The following GRIN3B variants were observed in gnomAD, a reference collection of about 807,000 sequenced individuals.
GRIN3B encodes glutamate ionotropic receptor NMDA type subunit 3B.
A neutral mutation model predicts 66.0 loss-of-function variants in GRIN3B; 77 were observed. The ratio of observed to expected loss-of-function variants is 1.17; its 90% confidence interval spans 0.97 to 1.41. The LOEUF is 1.41. GRIN3B is among the 40% of genes most tolerant of loss of function. GRIN3B has a pLI of 0.00. For missense variants in GRIN3B, 1,787 were observed against 1,564.5 expected (o/e 1.14, Z -2.40); for synonymous variants, 823 against 749.7 (o/e 1.10, Z -1.60).
rs10412602 is a variant in GRIN3B, at chr19:1,007,430, C to G, written c.2053-198C>G. Among the ~76,000 whole-genome samples the G allele has an allele frequency of 0.095, 14,474 of 151,730 alleles. 823 individuals are homozygous for G. The highest frequency in any genetic ancestry group is 0.23 in the Middle Eastern group (69 of 294). Reference sequence around the variant, plus strand: ...GATCCTGCCCCCCGCCCCAGGGGACCCTGGACAGTGTGTGTCTAGAGACAG... The same window carrying G: ...GATCCTGCCCCCCGCCCCAGGGGACGCTGGACAGTGTGTGTCTAGAGACAG... On this transcript the variant is annotated intron_variant, in intron 3 of 8. Transcript: ENST00000234389. This position sits in a 1 kb window ranked among gnomAD's most constrained non-coding sequence, Gnocchi z 4.4.
chr19:1,008,406 C>G, intron 6 of GRIN3B, 115 bp downstream of exon 6: 2 of 1,099,124 alleles, frequency 1.8e-6, no homozygotes, highest in South Asian at 1.5e-5. Context: ...TTGTCTGCTT[C>G]TGCGCACTTC....
At chr19:1,008,425 C>A in intron 6 of GRIN3B, 134 bp downstream of exon 6, 1 of 1,045,980 alleles carries the variant, frequency 9.6e-7, no homozygotes, top group Non-Finnish European at 1.4e-6. Flanking sequence ...TCTATTCACC[C>A]TACAAAACCC....
rs879508953 is a variant in GRIN3B, at chr19:1,005,642, C to T, written c.2052+89C>T. On this transcript the variant is annotated intron_variant, in intron 3 of 8. Coordinates refer to ENST00000234389, the MANE Select transcript of GRIN3B (RefSeq NM_138690.3). The surrounding 1 kb of genome is among the most constrained non-coding windows in gnomAD (Gnocchi z 5.2). ...TGTGGGGCAGGGGTGGTCAGCTGGA[C>T]GTGGAGGACGTCCACTAGGCCAACT... 1.6e-5 allele frequency: 16 copies of T among 1,001,484 alleles called. No individual in the cohort carries two copies. The highest frequency in any genetic ancestry group is 5.3e-5 in the East Asian group (2 of 37,966). 62.0% of individuals were successfully genotyped at this position (1,001,484 alleles called of 1,614,324 possible). A position where few individuals can be genotyped will look rare whatever the true frequency, so the allele number is the denominator to read the frequency against.
Position 1,007,863 on chromosome 19 carries a change from C to A in GRIN3B, c.2206C>A (p.Pro736Thr). 1 of 1,609,456 alleles carries A rather than the reference C, an allele frequency of 6.2e-7. No homozygotes were observed. Among genetic ancestry groups the A allele is most frequent in the South Asian group, 1.1e-5 (1 of 90,902 alleles). The change falls in exon 5 of 9, where the codon CCC becomes ACC. Residue 736 changes from proline to threonine, a missense_variant. Coordinates refer to ENST00000234389, the MANE Select transcript of GRIN3B (RefSeq NM_138690.3). The surrounding 1 kb of genome is among the most constrained non-coding windows in gnomAD (Gnocchi z 4.4). ...PRGVAMLTSD[P>T]PKLNAFIMDK... is the part of the protein sequence containing the mutation. ...CGCCCCCGGCCCCAGCAGGAGCGAC[C>A]CCCCCAAGCTCAACGCCTTCATCAT...
chr19:1,007,562 G>C lies in GRIN3B; in HGVS notation c.2053-66G>C. ...CAGGACGGCCCCACCCCGGAGAACGGCGCGCCCCTCAATGGTCAGGGGTCC... is the reference window on the plus strand; with the variant it reads ...CAGGACGGCCCCACCCCGGAGAACGCCGCGCCCCTCAATGGTCAGGGGTCC... On this transcript the variant is annotated intron_variant, in intron 3 of 8. Transcript: ENST00000234389. This position sits in a 1 kb window ranked among gnomAD's most constrained non-coding sequence, Gnocchi z 4.4. 1 of 1,369,066 alleles carries C rather than the reference G, an allele frequency of 7.3e-7. No individual in the cohort carries two copies. The highest frequency in any genetic ancestry group is 1.6e-5 in the South Asian group (1 of 60,726). 84.8% of individuals were successfully genotyped at this position (1,369,066 alleles called of 1,614,324 possible).
rs1274138932 is a variant in GRIN3B, at chr19:1,003,588, C to T, written c.885C>T (p.Asp295=). 8 of 1,477,880 alleles carry T rather than the reference C, an allele frequency of 5.4e-6. No individual in the cohort carries two copies. The South Asian group carries it at 1.1e-4, about 20-fold the overall frequency. The allele number at this position is 1,477,880 out of a possible 1,614,324, so 91.5% of individuals were successfully genotyped here. ...CCCCGCTGGAGGCCGCCATCCATGACATTGTGCAACTGGTGGCCCGGGCGC... is the reference window on the plus strand; with the variant it reads ...CCCCGCTGGAGGCCGCCATCCATGATATTGTGCAACTGGTGGCCCGGGCGC... ...ARPPLEAAIH[D]IVQLVARALG... The change falls in exon 2 of 9, where the codon GAC becomes GAT. Residue 295 remains aspartate (D), a synonymous_variant. Transcript: ENST00000234389.
chr19:1,001,834 C>T (rs763298937), intron 1 of GRIN3B, among the ~76,000 whole-genome samples: 2 of 152,130 alleles, frequency 1.3e-5, no homozygotes, highest in Non-Finnish European at 2.9e-5. Context: ...CCTGGGGCGC[C>T]CTCTGCTGCC....
Position 1,003,493 on chromosome 19 carries a change from C to G in GRIN3B, c.790C>G (p.Leu264Val). 1 of 1,536,844 alleles carries G rather than the reference C, an allele frequency of 6.5e-7. No homozygotes were observed. The highest frequency in any genetic ancestry group is 8.7e-7 in the Non-Finnish European group (1 of 1,146,374). ...CCCCCACTGGCTGTTGGGGACACCA[C>G]TGCCGCCCAAGGCCCTGCCCACCGC... is the stretch of plus-strand genomic sequence containing the variant. ...PGPHWLLGTP[L>V]PPKALPTAGL... Residue 264 changes from leucine to valine, a missense_variant, in exon 2 of 9, where the codon CTG becomes GTG. Transcript: ENST00000234389.
In GRIN3B at chr19:1,002,465, C is replaced by CAAA. The variant is rs34464705; in HGVS notation, c.427-648_427-646dup. ...TGGGAGACAGAGCAAGACTCCATCT[C>CAAA]AAAAAAAAAAAAAAAAAAATCCAGG... On this transcript the variant is annotated intron_variant, in intron 1 of 8. Transcript: ENST00000234389. Among the ~76,000 whole-genome samples, 30 of 93,530 alleles carry CAAA rather than the reference C, an allele frequency of 3.2e-4. No individual in the cohort carries two copies. The East Asian group carries it at 3.2e-3, about 10-fold the overall frequency. The allele number at this position is 93,530 out of a possible 152,430, so 61.4% of individuals were successfully genotyped here. A position where few individuals can be genotyped will look rare whatever the true frequency, so the allele number is the denominator to read the frequency against.
At position 1,005,689 on chromosome 19, in the gene GRIN3B, T is replaced by C; in HGVS notation, c.2052+136T>C. 1.5e-6 allele frequency: 1 copy of C among 683,762 alleles called. No homozygotes were observed. The highest frequency in any genetic ancestry group is 2.1e-5 in the South Asian group (1 of 46,738). The allele number at this position is 683,762 out of a possible 1,614,324, so 42.4% of individuals were successfully genotyped here. ...AACTCTGGTCCCAAGAGACATTTAT[T>C]CAATTAATTTATTTATTTAAAGAAA... On this transcript the variant is annotated intron_variant, in intron 3 of 8. Transcript: ENST00000234389. This position sits in a 1 kb window ranked among gnomAD's most constrained non-coding sequence, Gnocchi z 5.2.
rs573078457 is a variant in GRIN3B, at chr19:1,004,721, C to G, written c.1220C>G (p.Pro407Arg). The G allele has an allele frequency of 6.2e-7, 1 of 1,606,220 alleles. No homozygotes were observed. The highest frequency in any genetic ancestry group is 1.1e-5 in the South Asian group (1 of 90,608). ...GGAGGTGCCTCTGCACGGCCCCCGC[C>G]CCCACAGGGTGCCCAGGTCTGGCCC... ...EPGGASARPPPPQGAQVWPKL... is the reference protein window; with the variant it reads ...EPGGASARPPRPQGAQVWPKL... Residue 407 changes from proline (P) to arginine (R), a missense_variant, in exon 3 of 9, where the codon CCC becomes CGC. Transcript: ENST00000234389.
In GRIN3B at chr19:1,003,358, C is replaced by A; in HGVS notation, c.655C>A (p.Leu219Met). Residue 219 changes from leucine (L) to methionine (M), a missense_variant, in exon 2 of 9, where the codon CTG (leucine) becomes ATG (methionine). Coordinates refer to ENST00000234389, the MANE Select transcript of GRIN3B (RefSeq NM_138690.3). ...DTGDAGLRAR[L>M]APMAAPVGGE... ...GGGAGATGCAGGACTGCGGGCACGCCTGGCCCCGATGGCGGCGCCAGTGGG... is the reference window on the plus strand; with the variant it reads ...GGGAGATGCAGGACTGCGGGCACGCATGGCCCCGATGGCGGCGCCAGTGGG... 1 of 1,578,272 alleles carries A rather than the reference C, an allele frequency of 6.3e-7. No individual in the cohort carries two copies. Among genetic ancestry groups the A allele is most frequent in the Non-Finnish European group, 8.6e-7 (1 of 1,166,514 alleles).
intron 1 of GRIN3B, among the ~76,000 whole-genome samples, 174 bp downstream of exon 1, chr19:1,001,037 G>T (rs2038679937): frequency 1.3e-5 from 2 of 152,130 alleles, no homozygotes; most frequent in Non-Finnish European, 2.9e-5. Flanking sequence ...GGTGTCCCCG[G>T]AGCAAGGAAA....
At chr19:1,006,650 G>C (rs1199452986) in intron 3 of GRIN3B, among the ~76,000 whole-genome samples, 1 of 152,156 alleles carries the variant, frequency 6.6e-6, no homozygotes, top group Non-Finnish European at 1.5e-5. Context: ...GCCCCGTAGT[G>C]TCTCTGAACT....
rs574201288 is a variant in GRIN3B, at chr19:1,006,505, G to A, written c.2052+952G>A. 4.0e-4 allele frequency among the ~76,000 whole-genome samples: 61 copies of A among 151,954 alleles called. 1 individual carries two copies. The highest frequency in any genetic ancestry group is 1.3e-3 in the African/African-American group (54 of 41,430). On this transcript the variant is annotated intron_variant, in intron 3 of 8. Transcript: ENST00000234389. ...CTCTTGCCCAGAGCTGGAGTGCAGT[G>A]ATCTCAGCTCACCGCAACCTCCACC...
rs1217281534 is a variant in GRIN3B at position 1,007,680 on chromosome 19, C to T, written c.2105C>T (p.Ala702Val). ...TTCGGCACCGTGTGGGAGAGCAGCG[C>T]CGAGGCGTACATCAAGAAGAGCTTC... The part of the protein sequence containing the change: ...FRFGTVWESS[A>V]EAYIKKSFPD... Residue 702 changes from alanine to valine, a missense_variant, in exon 4 of 9, where the codon GCC (alanine) becomes GTC (valine). Ala to Val is a moderately conservative substitution (Grantham distance 64). Transcript: ENST00000234389. The surrounding 1 kb of genome is among the most constrained non-coding windows in gnomAD (Gnocchi z 4.4). The T allele has an allele frequency of 6.5e-7, 1 of 1,536,532 alleles. No individual in the cohort carries two copies. Among genetic ancestry groups the T allele is most frequent in the Non-Finnish European group, 8.7e-7 (1 of 1,143,054 alleles).
At chr19:1,008,333 C>T (rs760572449) in intron 6 of GRIN3B, 42 bp downstream of exon 6, 2 of 295,490 alleles carry the variant, frequency 6.8e-6, no homozygotes, top group Admixed American at 5.2e-5. Flanking sequence ...TGGGGGTGGG[C>T]GTGGGGGGCC....
In GRIN3B at chr19:1,009,157, C is replaced by T. The variant is rs1427471034; in HGVS notation, c.2703-16C>T. 3 of 1,455,090 alleles carry T rather than the reference C, an allele frequency of 2.1e-6. No individual in the cohort carries two copies. Among genetic ancestry groups the T allele is most frequent in the Non-Finnish European group, 2.7e-6 (3 of 1,113,838 alleles). The allele number at this position is 1,455,090 out of a possible 1,614,324, so 90.1% of individuals were successfully genotyped here. ...GCTGCCCCGGCGGACACTGACCAGG[C>T]CGGTTCCGTCCCCAGCGGCCCCGAG... is the stretch of plus-strand genomic sequence containing the variant. On this transcript the variant is annotated splice_polypyrimidine_tract_variant and intron_variant, in intron 8 of 8. Transcript: ENST00000234389.
Position 1,000,444 on chromosome 19 carries a change from T to G in GRIN3B, c.7T>G (p.Phe3Val), listed in dbSNP as rs1027718987. 1.6e-5 allele frequency: 20 copies of G among 1,213,676 alleles called. No homozygotes were observed. In the African/African-American group the frequency reaches 3.0e-4, roughly 18 times the overall value. The allele number at this position is 1,213,676 out of a possible 1,614,324, so 75.2% of individuals were successfully genotyped here. A position where few individuals can be genotyped will look rare whatever the true frequency, so the allele number is the denominator to read the frequency against. The change falls in exon 1 of 9, where the codon TTT becomes GTT. Residue 3 changes from phenylalanine (F) to valine (V), a missense_variant. Physicochemically the swap from Phe to Val is conservative, Grantham distance 50. Coordinates refer to ENST00000234389, the MANE Select transcript of GRIN3B (RefSeq NM_138690.3). ME[F>V]VRALWLGLAL... ...CGACGCCGACAACTTTGCGATGGAG[T>G]TTGTGCGGGCGCTGTGGCTGGGCCT... is the stretch of plus-strand genomic sequence containing the variant.
Sources: allele counts gnomAD v4.1 joint callset (sites outside exome capture counted in the v4.1 genomes callset), GRCh38; gene constraint gnomAD v4.1.1; non-coding constraint Gnocchi (gnomAD v3.1); transcripts MANE v1.5; gene names NCBI Gene and HGNC (gene_info 2026-07-23, HGNC 2026-07-21).